OPCML: variants seen among roughly 807,000 people sequenced by gnomAD.
The protein encoded by OPCML is opioid-binding protein/cell adhesion molecule.
OPCML carries 13 observed loss-of-function variants against 37.8 expected under a neutral mutation model. That is an observed-to-expected ratio of 0.34 (90% CI 0.22 to 0.55). The LOEUF (loss-of-function observed/expected upper bound fraction) is 0.55, where lower values mean the gene tolerates loss of function less well. OPCML is among the 20% of genes least tolerant of loss of function. The probability of loss-of-function intolerance (pLI) is 0.91; values close to 1 mark genes in which losing one functional copy is unlikely to be tolerated. For synonymous variants in OPCML, 176 were observed against 168.8 expected, an observed-to-expected ratio of 1.04 and a Z score of -0.33; for missense variants, 341 against 435.6, an observed-to-expected ratio of 0.78 and a Z score of 1.93.
At chr11:133,340,622 G>C (rs985037150) in intron 1 of OPCML, among the ~76,000 whole-genome samples, 176 of 150,270 alleles carry the variant, frequency 1.2e-3, no homozygotes, top group African/African-American at 3.9e-3. Context: ...GTGTGTGTGT[G>C]TGTGTGTGTG....
chr11:132,698,245 A>G (rs1259078579), intron 2 of OPCML, among the ~76,000 whole-genome samples: 1 of 152,086 alleles, frequency 6.6e-6, no homozygotes, highest in African/African-American at 2.4e-5. Flanking sequence ...GGCTATACCA[A>G]TTCAAATTTC....
chr11:133,332,683 A>C (rs1943648151), intron 1 of OPCML, among the ~76,000 whole-genome samples: 1 of 152,170 alleles, frequency 6.6e-6, no homozygotes, highest in African/African-American at 2.4e-5. Flanking sequence ...ATAAATGGGA[A>C]AAAGCCTTTT....
At chr11:132,702,757 T>C (rs1441776875) in intron 2 of OPCML, among the ~76,000 whole-genome samples, 2 of 152,112 alleles carry the variant, frequency 1.3e-5, no homozygotes, top group Non-Finnish European at 2.9e-5. Flanking sequence ...TCTTTTTTTT[T>C]CTTTTTGTTC....
At position 133,138,113 on chromosome 11, in the gene OPCML, G is replaced by A. The variant is rs1004949983; in HGVS notation, c.62-195103C>T. ...AATAGATTAATGCTTTCTTGAAAGC[G>A]AGTTCTCACTCTCATGGGACTGAAT... On this transcript the variant is annotated intron_variant, in intron 1 of 7. Coordinates refer to ENST00000524381, the MANE Select transcript of OPCML (RefSeq NM_001012393.5). 2.0e-5 allele frequency among the ~76,000 whole-genome samples: 3 copies of A among 152,182 alleles called. No homozygotes were observed. In the South Asian group the frequency reaches 6.2e-4, roughly 32 times the overall value.
chr11:132,472,371 C>T (rs2096140724), intron 4 of OPCML, among the ~76,000 whole-genome samples: 1 of 152,058 alleles, frequency 6.6e-6, no homozygotes, highest in South Asian at 2.1e-4. Flanking sequence ...AGGAGAGAGC[C>T]GAGGGTTAAC....
At chr11:132,793,214 C>T (rs533267236) in intron 2 of OPCML, among the ~76,000 whole-genome samples, 4 of 152,220 alleles carry the variant, frequency 2.6e-5, no homozygotes, top group Admixed American at 2.0e-4. Context: ...CTTCCCGGGA[C>T]CCCCAGTAGA....
chr11:133,337,242 C>G (rs1464615317), intron 1 of OPCML, among the ~76,000 whole-genome samples: 1 of 152,204 alleles, frequency 6.6e-6, no homozygotes, highest in Non-Finnish European at 1.5e-5. Context: ...AATCTCTGAA[C>G]ACCTGTCACC....
intron 2 of OPCML, among the ~76,000 whole-genome samples, chr11:132,715,134 C>T (rs752964933): frequency 6.6e-6 from 1 of 152,176 alleles, no homozygotes; most frequent in Non-Finnish European, 1.5e-5. Flanking sequence ...TATTTGACCT[C>T]ATTCCTCCCT....
At chr11:132,752,198 G>C (rs1591556793) in intron 2 of OPCML, among the ~76,000 whole-genome samples, 2 of 151,954 alleles carry the variant, frequency 1.3e-5, no homozygotes, top group Non-Finnish European at 1.5e-5. Context: ...GATTGGTTGT[G>C]CTAATTAATT....
At chr11:133,417,459 ATTCTTTTATTTATT>A (rs996931014) in intron 1 of OPCML, among the ~76,000 whole-genome samples, 1 of 150,222 alleles carries the variant, frequency 6.7e-6, no homozygotes, top group Non-Finnish European at 1.5e-5. Context: ...TAGCACCTGG[ATTCTTTTATTTATT>A]TATTTATTTA....
chr11:133,027,490 T>TG (rs765364020), intron 1 of OPCML, among the ~76,000 whole-genome samples: 29 of 110,964 alleles, frequency 2.6e-4, no homozygotes, highest in African/African-American at 8.8e-4. Flanking sequence ...TGTGTGTGTG[T>TG]TGTGTGTGTG....
intron 1 of OPCML, among the ~76,000 whole-genome samples, chr11:133,223,383 G>A (rs1328480347): frequency 6.6e-6 from 1 of 152,158 alleles, no homozygotes; most frequent in African/African-American, 2.4e-5. Flanking sequence ...TGTAGCTTTT[G>A]GGAGAAACGA....
In OPCML at chr11:133,464,236, A is replaced by C. The variant is rs990777528; in HGVS notation, c.61+68028T>G. On this transcript the variant is annotated intron_variant, in intron 1 of 7. Transcript: ENST00000524381. ...TCCAACATTTAAAGTATTCAAATGC[A>C]ACCACCCAAAGCCCTTGCCATTTTG... 2.0e-5 allele frequency among the ~76,000 whole-genome samples: 3 copies of C among 152,202 alleles called. No individual in the cohort carries two copies. In the South Asian group the frequency reaches 6.2e-4, roughly 32 times the overall value.
chr11:133,191,471 T>C (rs1368005785), intron 1 of OPCML, among the ~76,000 whole-genome samples: 1 of 151,538 alleles, frequency 6.6e-6, no homozygotes, highest in African/African-American at 2.4e-5. Flanking sequence ...AGAGTGAAAG[T>C]ATTTCTGTAT....
intron 1 of OPCML, among the ~76,000 whole-genome samples, chr11:133,333,464 G>T (rs749904851): frequency 6.6e-6 from 1 of 152,084 alleles, no homozygotes; most frequent in Non-Finnish European, 1.5e-5. Context: ...AAGCTGGACC[G>T]CTTCCTTACA....
intron 1 of OPCML, among the ~76,000 whole-genome samples, chr11:133,448,158 T>C (rs1263363476): frequency 6.6e-6 from 1 of 152,246 alleles, no homozygotes; most frequent in Non-Finnish European, 1.5e-5. Flanking sequence ...TCTAGAAGTT[T>C]TATAGTTTTA....
chr11:132,699,287 C>T lies in OPCML; in HGVS notation c.147-41968G>A, dbSNP rs1409932293. ...GCATTTTCTATATTTAAGATTATGTCATCTGCAAACGGAGACAATTTTACT... is the reference window on the plus strand; with the variant it reads ...GCATTTTCTATATTTAAGATTATGTTATCTGCAAACGGAGACAATTTTACT... On this transcript the variant is annotated intron_variant, in intron 2 of 7. Transcript: ENST00000524381. 5.9e-5 allele frequency among the ~76,000 whole-genome samples: 9 copies of T among 152,154 alleles called. No individual in the cohort carries two copies. In the South Asian group the frequency reaches 1.9e-3, roughly 32 times the overall value.
chr11:133,117,370 G>A (rs988244038), intron 1 of OPCML, among the ~76,000 whole-genome samples: 2 of 152,072 alleles, frequency 1.3e-5, no homozygotes, highest in Non-Finnish European at 2.9e-5. Flanking sequence ...CATTGCCCTT[G>A]AGGAGAACCT....
intron 1 of OPCML, among the ~76,000 whole-genome samples, chr11:133,054,845 G>A (rs1948195324): frequency 6.6e-6 from 1 of 151,938 alleles, no homozygotes; most frequent in South Asian, 2.1e-4. Flanking sequence ...CCCCATGAAG[G>A]AGCCACCTCT....
Sources: allele counts gnomAD v4.1 joint callset (sites outside exome capture counted in the v4.1 genomes callset), GRCh38; gene constraint gnomAD v4.1.1; transcripts MANE v1.5; gene names NCBI Gene and HGNC (gene_info 2026-07-23, HGNC 2026-07-21).